ANKUB1: variants seen among roughly 807,000 people sequenced by gnomAD.
The protein encoded by ANKUB1 is protein ANKUB1.
A neutral mutation model predicts 49.3 loss-of-function variants in ANKUB1; 42 were observed. The observed-to-expected ratio is 0.85, with a 90% CI of 0.67 to 1.10. ANKUB1 has a LOEUF of 1.10. ANKUB1 is among the 50% of genes least tolerant of loss of function. ANKUB1 has a pLI of 0.00. For synonymous variants in ANKUB1, 222 were observed against 231.0 expected (o/e 0.96, Z 0.35); for missense variants, 613 against 642.0 (o/e 0.95, Z 0.49).
chr3:149,777,813 T>C (rs572283934), intron 3 of ANKUB1, among the ~76,000 whole-genome samples: 2 of 152,372 alleles, frequency 1.3e-5, no homozygotes, highest in African/African-American at 4.8e-5. Context: ...ACTGAGTGTG[T>C]ATACATGTCT....
At position 149,785,069 on chromosome 3, in the gene ANKUB1, T is replaced by C. The variant is rs79443938; in HGVS notation, c.235-4614A>G. On this transcript the variant is annotated intron_variant, in intron 2 of 5. Transcript: ENST00000446160. ...TGCCTCTGCATGTTGTACAAAAACA[T>C]ACACTTTTGCAGTGCCTCATGCTAT... 4.6e-3 allele frequency among the ~76,000 whole-genome samples: 696 copies of C among 152,244 alleles called. 9 individuals are homozygous for C. The highest frequency in any genetic ancestry group is 0.016 in the African/African-American group (670 of 41,532).
intron 5 of ANKUB1, 151 bp downstream of exon 5, chr3:149,767,006 G>A: frequency 1.0e-6 from 1 of 996,778 alleles, no homozygotes. Context: ...CTAGTGATGA[G>A]GCTAAGATGA....
intron 5 of ANKUB1, among the ~76,000 whole-genome samples, chr3:149,764,453 A>T: frequency 6.6e-6 from 1 of 151,756 alleles, no homozygotes; most frequent in East Asian, 1.9e-4. Flanking sequence ...AGAGAAATGG[A>T]AAGAGGATTT....
chr3:149,763,894 A>G (rs896161661), intron 5 of ANKUB1: 12 of 456,118 alleles, frequency 2.6e-5, no homozygotes, highest in African/African-American at 2.4e-4. Flanking sequence ...GTTTAGTTTT[A>G]TGAATCTAAA....
Position 149,771,554 on chromosome 3 carries a change from T to C in ANKUB1, c.452-880A>G, listed in dbSNP as rs973562171. Reference sequence around the variant, plus strand: ...TAGCTAAAGCAATCTCTGCCATCACTACCTCCTCACCTTCATTACTTTGTA... The same window carrying C: ...TAGCTAAAGCAATCTCTGCCATCACCACCTCCTCACCTTCATTACTTTGTA... On this transcript the variant is annotated intron_variant, in intron 3 of 5. Coordinates refer to ENST00000446160, the MANE Select transcript of ANKUB1 (RefSeq NM_001144960.3). Among the ~76,000 whole-genome samples, 5 of 152,248 alleles carry C rather than the reference T, an allele frequency of 3.3e-5. No individual in the cohort carries two copies. The East Asian group carries it at 9.6e-4, about 29-fold the overall frequency.
chr3:149,792,129 G>A (rs1576687301), intron 1 of ANKUB1, 148 bp downstream of exon 1: 4 of 460,628 alleles, frequency 8.7e-6, no homozygotes, highest in African/African-American at 2.0e-5. Context: ...AATCTATTGT[G>A]TAAGCAAATA....
At chr3:149,785,526 T>G (rs770743551) in intron 2 of ANKUB1, among the ~76,000 whole-genome samples, 2 of 152,122 alleles carry the variant, frequency 1.3e-5, no homozygotes, top group Non-Finnish European at 2.9e-5. Flanking sequence ...TTTTCTATCC[T>G]TGCCATAGTT....
rs377596881 is a variant in ANKUB1, at chr3:149,767,786, A to C, written c.876T>G (p.Tyr292Ter). The change falls in exon 5 of 6, where the codon TAT becomes TAG. Residue 292 changes from tyrosine to a stop codon, truncating the protein, a stop_gained. Transcript: ENST00000446160. LOFTEE classifies it high-confidence loss of function. ...FKHKHKDCVL[Y>*]LLSKMWSTVS... The stretch of plus-strand genomic sequence containing the variant: ...CTGTGGACCACATTTTACTGAGCAA[A>C]TATAATACACAGTCTTTATGCTTGT... 6.4e-7 allele frequency: 1 copy of C among 1,551,736 alleles called. No homozygotes were observed. Among genetic ancestry groups the C allele is most frequent in the South Asian group, 1.2e-5 (1 of 84,062 alleles).
At chr3:149,770,526 C>A (rs1383811012) in intron 4 of ANKUB1, 34 bp downstream of exon 4, 11 of 1,452,644 alleles carry the variant, frequency 7.6e-6, no homozygotes, top group African/African-American at 1.4e-5. Flanking sequence ...AATCACAGCA[C>A]TTGCTAAGTT....
chr3:149,782,451 A>G (rs1717912224), intron 2 of ANKUB1, among the ~76,000 whole-genome samples: 1 of 152,184 alleles, frequency 6.6e-6, no homozygotes, highest in African/African-American at 2.4e-5. Context: ...TTCTCAGAAT[A>G]TGAATAATCG....
At chr3:149,772,508 G>A (rs1717411407) in intron 3 of ANKUB1, among the ~76,000 whole-genome samples, 1 of 152,062 alleles carries the variant, frequency 6.6e-6, no homozygotes, top group Non-Finnish European at 1.5e-5. Context: ...CTTTATTCAG[G>A]TCTCTGCTCA....
chr3:149,780,319 A>G lies in ANKUB1; in HGVS notation c.371T>C (p.Val124Ala), dbSNP rs1480083840. ...TGGGGTTCGGAGACAGTAGACACTC[A>G]CGGGGAGGCCACATCTCAGAGTTAC... Reference protein sequence around the residue: ...TLVTLRCGLPVSVYCLRTPRG... With the variant: ...TLVTLRCGLPASVYCLRTPRG... Residue 124 changes from valine to alanine, a missense_variant, in exon 3 of 6, where the codon GTG (valine) becomes GCG (alanine). Val to Ala is a moderately conservative substitution (Grantham distance 64). Coordinates refer to ENST00000446160, the MANE Select transcript of ANKUB1 (RefSeq NM_001144960.3). 6.4e-7 allele frequency: 1 copy of G among 1,551,688 alleles called. No individual in the cohort carries two copies. The highest frequency in any genetic ancestry group is 2.4e-5 in the East Asian group (1 of 40,934).
chr3:149,763,670 G>A lies in ANKUB1; in HGVS notation c.1506-2057C>T, dbSNP rs566504748. Among the ~76,000 whole-genome samples, 102 of 152,324 alleles carry A rather than the reference G, an allele frequency of 6.7e-4. 1 individual carries two copies. The South Asian group carries it at 0.021, about 31-fold the overall frequency. On this transcript the variant is annotated intron_variant, in intron 5 of 5. Coordinates refer to ENST00000446160, the MANE Select transcript of ANKUB1 (RefSeq NM_001144960.3). Reference sequence around the variant, plus strand: ...ATAAACCTCTCTGGAATTGGACAATGAGCAATAAGGAAAGCTATTTTCTAG... The same window carrying A: ...ATAAACCTCTCTGGAATTGGACAATAAGCAATAAGGAAAGCTATTTTCTAG...
intron 2 of ANKUB1, among the ~76,000 whole-genome samples, chr3:149,784,363 C>A (rs1717998859): frequency 6.6e-6 from 1 of 152,170 alleles, no homozygotes; most frequent in Non-Finnish European, 1.5e-5. Context: ...GGACATGTGA[C>A]AGGGTGCTCC....
At chr3:149,776,263 C>CT (rs1001271250) in intron 3 of ANKUB1, among the ~76,000 whole-genome samples, 84 of 152,334 alleles carry the variant, frequency 5.5e-4, no homozygotes, top group African/African-American at 2.0e-3. Flanking sequence ...CCTCCTGACT[C>CT]TGACAGCTTT....
chr3:149,768,016 C>T lies in ANKUB1; in HGVS notation c.646G>A (p.Ala216Thr), dbSNP rs1250780516. 1 of 1,492,588 alleles carries T rather than the reference C, an allele frequency of 6.7e-7. No homozygotes were observed. Among genetic ancestry groups the T allele is most frequent in the South Asian group, 1.4e-5 (1 of 74,034 alleles). The allele number at this position is 1,492,588 out of a possible 1,614,324, so 92.5% of individuals were successfully genotyped here. A position where few individuals can be genotyped will look rare whatever the true frequency, so the allele number is the denominator to read the frequency against. The change falls in exon 5 of 6, where the codon GCG becomes ACG. Residue 216 changes from alanine to threonine, a missense_variant. Physicochemically the swap from Ala to Thr is moderately conservative, Grantham distance 58 (BLOSUM62 0). Coordinates refer to ENST00000446160, the MANE Select transcript of ANKUB1 (RefSeq NM_001144960.3). ...ELTEWALKQG[A>T]RPHEAVGVHP... ...ACACCGACTGCCTCGTGGGGCCGCG[C>T]ACCCTGCTTCAGGGCCCATTCAGTG...
chr3:149,766,670 T>C lies in ANKUB1; in HGVS notation c.1505+487A>G, dbSNP rs2108263092. Reference sequence around the variant, plus strand: ...AAAATCAATCAGATATAGTGGCATGTGCCTGTAGTCCCAGCTACTTGGAAG... The same window carrying C: ...AAAATCAATCAGATATAGTGGCATGCGCCTGTAGTCCCAGCTACTTGGAAG... On this transcript the variant is annotated intron_variant, in intron 5 of 5. Transcript: ENST00000446160. 5 of 562,450 alleles carry C rather than the reference T, an allele frequency of 8.9e-6. 1 individual carries two copies. The highest frequency in any genetic ancestry group is 8.8e-5 in the East Asian group (3 of 33,960). The allele number at this position is 562,450 out of a possible 1,614,324, so 34.8% of individuals were successfully genotyped here. A position where few individuals can be genotyped will look rare whatever the true frequency, so the allele number is the denominator to read the frequency against.
intron 1 of ANKUB1, 141 bp from the exon 2 acceptor site, chr3:149,791,065 C>G: frequency 1.3e-6 from 1 of 758,028 alleles, no homozygotes; most frequent in Non-Finnish European, 2.0e-6. Flanking sequence ...AATAGGGGTT[C>G]TTAACTTAGA....
At chr3:149,781,879 C>T in intron 2 of ANKUB1, among the ~76,000 whole-genome samples, 1 of 152,154 alleles carries the variant, frequency 6.6e-6, no homozygotes, top group Admixed American at 6.5e-5. Flanking sequence ...CTGAGCTGCC[C>T]ACTGAGCCTA....
Sources: gnomAD v4.1 joint callset for allele counts (sites outside exome capture counted in the v4.1 genomes callset) on GRCh38, gnomAD v4.1.1 for gene constraint, MANE v1.5 for transcripts, NCBI Gene and HGNC (gene_info 2026-07-23, HGNC 2026-07-21) for gene names.